The following PCDH11X variants were observed in gnomAD, a reference collection of about 807,000 sequenced individuals.
PCDH11X encodes the protein protocadherin-11 X-linked.
PCDH11X carries 18 observed loss-of-function variants against 53.3 expected under a neutral mutation model. The ratio of observed to expected loss-of-function variants is 0.34; its 90% CI spans 0.23 to 0.50. The LOEUF (loss-of-function observed/expected upper bound fraction) is 0.50, where lower values mean the gene tolerates loss of function less well. PCDH11X is among the 20% of genes least tolerant of loss of function. The pLI, the probability that PCDH11X is intolerant of heterozygous loss-of-function variation, is 0.98. For missense variants in PCDH11X, 570 were observed against 1,032.4 expected (o/e 0.55, Z 6.14); for synonymous variants, 279 against 393.3 (o/e 0.71, Z 3.44).
intron 5 of PCDH11X, among the ~76,000 whole-genome samples, chrX:91,868,864 G>A (rs777295017): frequency 3.6e-5 from 4 of 111,240 alleles, no homozygotes; most frequent in Non-Finnish European, 5.7e-5. Flanking sequence ...AAGTACACCT[G>A]CAACATAAAA....
At chrX:91,925,616 G>A (rs1000156460) in intron 6 of PCDH11X, among the ~76,000 whole-genome samples, 1 of 110,766 alleles carries the variant, frequency 9.0e-6, no homozygotes, top group African/African-American at 3.3e-5. Context: ...CAGAGAAAAT[G>A]CTATGATAAT....
intron 6 of PCDH11X, among the ~76,000 whole-genome samples, chrX:92,126,249 T>C (rs1399842003): frequency 8.9e-6 from 1 of 112,059 alleles, no homozygotes; most frequent in African/African-American, 3.2e-5. Context: ...CACATATGCA[T>C]TTATGTTCTC....
intron 9 of PCDH11X, among the ~76,000 whole-genome samples, chrX:92,455,190 CT>C (rs1374345438): frequency 2.8e-5 from 3 of 108,013 alleles, no homozygotes; most frequent in Non-Finnish European, 5.7e-5. Flanking sequence ...ACTCCTAAAT[CT>C]TTGATTTAGA....
chrX:91,829,893 A>G (rs1016464419), intron 4 of PCDH11X, among the ~76,000 whole-genome samples: 2 of 111,671 alleles, frequency 1.8e-5, no homozygotes, highest in African/African-American at 6.5e-5. Flanking sequence ...TGATGAATTT[A>G]GGACTTATTT....
At chrX:91,946,558 C>CATATATAT (rs766671132) in intron 6 of PCDH11X, among the ~76,000 whole-genome samples, 14 of 31,625 alleles carry the variant, frequency 4.4e-4, no homozygotes, top group East Asian at 1.2e-3. Flanking sequence ...CTGTTTCCCT[C>CATATATAT]ATATATATAT....
chrX:92,099,031 AC>A (rs1244629420), intron 6 of PCDH11X, among the ~76,000 whole-genome samples: 1 of 112,231 alleles, frequency 8.9e-6, no homozygotes, highest in Admixed American at 9.5e-5. Flanking sequence ...CATACTGGCC[AC>A]ATCAAGCATG....
intron 7 of PCDH11X, among the ~76,000 whole-genome samples, chrX:92,231,931 A>G (rs1479954498): frequency 9.0e-6 from 1 of 111,714 alleles, no homozygotes; most frequent in East Asian, 2.8e-4. Context: ...AGAACAGAGA[A>G]GGCTCACTTC....
chrX:92,349,867 C>T (rs2069999034), intron 8 of PCDH11X, among the ~76,000 whole-genome samples: 1 of 107,893 alleles, frequency 9.3e-6, no homozygotes, highest in Non-Finnish European at 1.9e-5. Flanking sequence ...GTAAGGTAGG[C>T]TGGGCTAAGC....
Position 92,558,361 on chromosome X carries a change from G to A in PCDH11X, c.3368-59903G>A, listed in dbSNP as rs543782323. ...AGGTGAATGAGTTGTCTTTTAAAAAGGCACATGCTCATAGAAGAGTTACAT... is the reference window on the plus strand; with the variant it reads ...AGGTGAATGAGTTGTCTTTTAAAAAAGCACATGCTCATAGAAGAGTTACAT... On this transcript the variant is annotated intron_variant, in intron 10 of 10. Coordinates refer to ENST00000682573, the MANE Select transcript of PCDH11X (RefSeq NM_032968.5). 3.6e-5 allele frequency among the ~76,000 whole-genome samples: 4 copies of A among 111,251 alleles called. No individual in the cohort carries two copies. The South Asian group carries it at 1.5e-3, about 42-fold the overall frequency.
At chrX:92,295,958 A>G (rs5984169) in intron 8 of PCDH11X, among the ~76,000 whole-genome samples, 10,592 of 108,989 alleles carry the variant, frequency 0.097, 760 homozygotes, top group East Asian at 0.36. Flanking sequence ...TGGCATACAC[A>G]TGTAGTCTAA....
chrX:92,288,369 C>T (rs1330182315), intron 8 of PCDH11X, among the ~76,000 whole-genome samples: 1 of 106,520 alleles, frequency 9.4e-6, no homozygotes, highest in Non-Finnish European at 1.9e-5. Context: ...GAGGTCACTA[C>T]AAATTTTGAG....
chrX:92,057,689 C>T (rs1438421761), intron 6 of PCDH11X, among the ~76,000 whole-genome samples: 2 of 105,785 alleles, frequency 1.9e-5, no homozygotes, highest in Admixed American at 1.0e-4. Flanking sequence ...ATTCTGTTTG[C>T]CATGTGTTCA....
intron 6 of PCDH11X, among the ~76,000 whole-genome samples, chrX:92,165,170 T>C (rs1426351630): frequency 1.8e-5 from 2 of 111,818 alleles, no homozygotes; most frequent in Non-Finnish European, 3.8e-5. Flanking sequence ...AAATCAATAA[T>C]TTTAAGGTAT....
rs2071219884 is a variant in PCDH11X at position 92,395,289 on chromosome X, T to G, written c.3343+7356T>G. 2.7e-5 allele frequency among the ~76,000 whole-genome samples: 3 copies of G among 111,834 alleles called. No individual in the cohort carries two copies. The Admixed American group carries it at 2.9e-4, about 11-fold the overall frequency. On this transcript the variant is annotated intron_variant, in intron 9 of 10. Coordinates refer to ENST00000682573, the MANE Select transcript of PCDH11X (RefSeq NM_032968.5). ...TTGTATAGACCTGAAAGGCTGGTAA[T>G]TTTAAATATTATTTTGGGGTATCTA...
At chrX:92,081,124 A>G (rs1299428851) in intron 6 of PCDH11X, among the ~76,000 whole-genome samples, 2 of 111,675 alleles carry the variant, frequency 1.8e-5, no homozygotes, top group Non-Finnish European at 3.8e-5. Flanking sequence ...CAATACTAAT[A>G]AAATCCACAC....
At chrX:92,355,072 A>G (rs1197581117) in intron 8 of PCDH11X, among the ~76,000 whole-genome samples, 1 of 108,405 alleles carries the variant, frequency 9.2e-6, no homozygotes, top group Non-Finnish European at 1.9e-5. Context: ...AGAAATTGCT[A>G]TTCTTGTCAT....
intron 6 of PCDH11X, among the ~76,000 whole-genome samples, chrX:91,972,769 C>T (rs771251254): frequency 2.3e-3 from 249 of 109,783 alleles, no homozygotes; most frequent in Non-Finnish European, 3.3e-3. Context: ...AGATATGCGG[C>T]GTTATTTCTG....
intron 1 of PCDH11X, among the ~76,000 whole-genome samples, chrX:91,806,977 T>C (rs1240816729): frequency 3.6e-5 from 4 of 111,467 alleles, no homozygotes; most frequent in Admixed American, 2.9e-4. Context: ...GAAATAAAAC[T>C]CTAAGTTGAA....
intron 5 of PCDH11X, among the ~76,000 whole-genome samples, chrX:91,837,353 C>G: frequency 9.0e-6 from 1 of 111,700 alleles, no homozygotes; most frequent in Non-Finnish European, 1.9e-5. Context: ...TAAATTAGTA[C>G]AACCACTAAG....
Sources: gnomAD v4.1 joint callset for allele counts (sites outside exome capture counted in the v4.1 genomes callset) on GRCh38, gnomAD v4.1.1 for gene constraint, MANE v1.5 for transcripts, NCBI Gene and HGNC (gene_info 2026-07-23, HGNC 2026-07-21) for gene names.